GALNT10: variants seen among roughly 807,000 people sequenced by gnomAD.
GALNT10 encodes the protein GalNAc transferase 10.
A neutral mutation model predicts 75.0 loss-of-function variants in GALNT10; 41 were observed. The ratio of observed to expected loss-of-function variants is 0.55; its 90% confidence interval spans 0.43 to 0.71. The LOEUF (loss-of-function observed/expected upper bound fraction) is 0.71. Ranked by LOEUF, GALNT10 falls within the 30% of genes least tolerant of loss-of-function variation. The pLI, the probability that GALNT10 is intolerant of heterozygous loss-of-function variation, is 0.00. For missense variants in GALNT10, 727 were observed against 818.5 expected (o/e 0.89, Z 1.36); for synonymous variants, 302 against 313.0 (o/e 0.96, Z 0.37).
intron 3 of GALNT10, among the ~76,000 whole-genome samples, chr5:154,303,233 C>G (rs1464032150): frequency 6.6e-6 from 1 of 152,124 alleles, no homozygotes; most frequent in Non-Finnish European, 1.5e-5. Context: ...TATAGTTGCC[C>G]CAGCTTATTG....
At position 154,412,663 on chromosome 5, in the gene GALNT10, A is replaced by G. The variant is rs1756422453; in HGVS notation, c.1387-226A>G. 2.0e-6 allele frequency: 1 copy of G among 490,262 alleles called. No homozygotes were observed. Among genetic ancestry groups the G allele is most frequent in the Non-Finnish European group, 3.7e-6 (1 of 266,970 alleles). The allele number at this position is 490,262 out of a possible 1,614,324, so 30.4% of individuals were successfully genotyped here. A position where few individuals can be genotyped will look rare whatever the true frequency, so the allele number is the denominator to read the frequency against. On this transcript the variant is annotated intron_variant, in intron 9 of 11. Coordinates refer to ENST00000297107, the MANE Select transcript of GALNT10 (RefSeq NM_198321.4). This position sits in a 1 kb window ranked among gnomAD's most constrained non-coding sequence, Gnocchi z 4.2. The stretch of plus-strand genomic sequence containing the variant: ...ACCAACCCAGGACTCTGCATACTCT[A>G]CAATACTACTTACAGCAGTGCTTTA...
In GALNT10 at chr5:154,190,815, CTGGGG is replaced by C. The variant is rs1774844436; in HGVS notation, c.-51_-47del. On this transcript the variant is annotated 5_prime_UTR_variant, in exon 1 of 12. Coordinates refer to ENST00000297107, the MANE Select transcript of GALNT10 (RefSeq NM_198321.4). The stretch of plus-strand genomic sequence containing the variant: ...CGGGCGGACGGGCGGACGCGCGGAG[CTGGGG>C]GCGGCGCGGCGGGGCCGGCGGGGCG... 8 of 853,476 alleles carry C rather than the reference CTGGGG, an allele frequency of 9.4e-6. No homozygotes were observed. The highest frequency in any genetic ancestry group is 1.1e-5 in the Non-Finnish European group (8 of 698,630). 52.9% of individuals were successfully genotyped at this position (853,476 alleles called of 1,614,324 possible).
intron 1 of GALNT10, among the ~76,000 whole-genome samples, chr5:154,210,074 A>G (rs1775171420): frequency 6.6e-6 from 1 of 152,128 alleles, no homozygotes; most frequent in African/African-American, 2.4e-5. Context: ...GACCTGCATC[A>G]TTTTCATTTC....
chr5:154,368,858 G>A (rs1029875687), intron 4 of GALNT10, among the ~76,000 whole-genome samples: 1 of 152,166 alleles, frequency 6.6e-6, no homozygotes, highest in African/African-American at 2.4e-5. Context: ...CATCCTAGAG[G>A]ACTAGGGTTG....
At chr5:154,398,366 G>T (rs1037070245) in intron 7 of GALNT10, among the ~76,000 whole-genome samples, 1 of 152,234 alleles carries the variant, frequency 6.6e-6, no homozygotes, top group East Asian at 1.9e-4. Context: ...GAACAAGATG[G>T]GTTCCTGGTC....
intron 1 of GALNT10, among the ~76,000 whole-genome samples, chr5:154,192,614 C>T (rs905711196): frequency 2.6e-5 from 4 of 152,210 alleles, no homozygotes; most frequent in African/African-American, 7.2e-5. Context: ...CCAGTTCTAA[C>T]ATTCTGTGAT....
At position 154,281,336 on chromosome 5, in the gene GALNT10, A is replaced by G. The variant is rs1173781251; in HGVS notation, c.160-13480A>G. Among the ~76,000 whole-genome samples the G allele has an allele frequency of 3.3e-5, 5 of 152,220 alleles. No individual in the cohort carries two copies. In the East Asian group the frequency reaches 7.7e-4, roughly 23 times the overall value. ...ACACCATGGAAATCAGTATTTTAAC[A>G]TCAGTTTTCGATGTTTCATTGATAG... On this transcript the variant is annotated intron_variant, in intron 1 of 11. Transcript: ENST00000297107.
chr5:154,393,414 A>G (rs1273603297), intron 7 of GALNT10, among the ~76,000 whole-genome samples: 2 of 152,110 alleles, frequency 1.3e-5, no homozygotes, highest in African/African-American at 4.8e-5. Flanking sequence ...TGAACCCTTC[A>G]TCCCTAGTGG....
intron 2 of GALNT10, among the ~76,000 whole-genome samples, chr5:154,296,541 GCTAA>G (rs1754276846): frequency 6.6e-6 from 1 of 152,178 alleles, no homozygotes; most frequent in Non-Finnish European, 1.5e-5. Flanking sequence ...TCTGTCGAAC[GCTAA>G]CTATGTGCCA....
intron 1 of GALNT10, among the ~76,000 whole-genome samples, chr5:154,204,558 C>T (rs1775076098): frequency 6.6e-6 from 1 of 152,208 alleles, no homozygotes; most frequent in African/African-American, 2.4e-5. Context: ...ACTGTGTCTC[C>T]TCCTCTCAGT....
intron 4 of GALNT10, among the ~76,000 whole-genome samples, chr5:154,343,481 G>C (rs1755066395): frequency 6.6e-6 from 1 of 152,202 alleles, no homozygotes; most frequent in Non-Finnish European, 1.5e-5. Context: ...TTATTTTCAA[G>C]TTGGGCCGGC....
rs1473712320 is a variant in GALNT10, at chr5:154,402,655, T to C, written c.1057-1449T>C. 6.6e-6 allele frequency: 1 copy of C among 152,170 alleles called. No individual in the cohort carries two copies. The highest frequency in any genetic ancestry group is 1.5e-5 in the Non-Finnish European group (1 of 68,050). 9.4% of individuals were successfully genotyped at this position (152,170 alleles called of 1,614,324 possible). Reference sequence around the variant, plus strand: ...CTCGCATAGGAGAATAGTCAGGCCATGAGCCAGGGCCGCAGTCATCTGCAG... The same window carrying C: ...CTCGCATAGGAGAATAGTCAGGCCACGAGCCAGGGCCGCAGTCATCTGCAG... On this transcript the variant is annotated intron_variant, in intron 7 of 11. Coordinates refer to ENST00000297107, the MANE Select transcript of GALNT10 (RefSeq NM_198321.4). The surrounding 1 kb of genome is among the most constrained non-coding windows in gnomAD (Gnocchi z 4.2).
chr5:154,223,037 G>A lies in GALNT10; in HGVS notation c.159+32012G>A, dbSNP rs554024690. 2.6e-5 allele frequency among the ~76,000 whole-genome samples: 4 copies of A among 152,234 alleles called. No individual in the cohort carries two copies. In the South Asian group the frequency reaches 8.3e-4, roughly 32 times the overall value. On this transcript the variant is annotated intron_variant, in intron 1 of 11. Transcript: ENST00000297107. Reference sequence around the variant, plus strand: ...TGGAACCTGAATGTGGTACCAACATGAATATTTATCATATTAACTCTGAGT... The same window carrying A: ...TGGAACCTGAATGTGGTACCAACATAAATATTTATCATATTAACTCTGAGT...
chr5:154,194,356 G>A (rs566394473), intron 1 of GALNT10, among the ~76,000 whole-genome samples: 142 of 152,304 alleles, frequency 9.3e-4, no homozygotes, highest in African/African-American at 3.3e-3. Flanking sequence ...AGAAAGTTAA[G>A]TATAGAAATG....
At chr5:154,321,486 T>C (rs949328133) in intron 3 of GALNT10, among the ~76,000 whole-genome samples, 3 of 151,882 alleles carry the variant, frequency 2.0e-5, no homozygotes, top group Admixed American at 6.6e-5. Context: ...TGTTTTTTTG[T>C]TAGTTTGTTT....
chr5:154,285,378 A>G (rs1372165532), intron 1 of GALNT10, among the ~76,000 whole-genome samples: 1 of 152,148 alleles, frequency 6.6e-6, no homozygotes, highest in African/African-American at 2.4e-5. Flanking sequence ...TGATCTCCTG[A>G]CTTGCTTTCT....
At chr5:154,205,332 C>T (rs889902473) in intron 1 of GALNT10, among the ~76,000 whole-genome samples, 2 of 152,236 alleles carry the variant, frequency 1.3e-5, no homozygotes, top group Admixed American at 6.5e-5. Context: ...TCCCTCCAGA[C>T]AGTCTTTAGA....
intron 6 of GALNT10, among the ~76,000 whole-genome samples, chr5:154,381,014 A>T (rs1582001382): frequency 1.3e-5 from 2 of 152,260 alleles, no homozygotes; most frequent in East Asian, 3.9e-4. Context: ...CTACAACTAT[A>T]TATGGTAAAA....
At chr5:154,214,879 A>G (rs918801712) in intron 1 of GALNT10, among the ~76,000 whole-genome samples, 1 of 152,206 alleles carries the variant, frequency 6.6e-6, no homozygotes. Flanking sequence ...CCTCAGAGCA[A>G]TTACTTAAAC....
Sources: gnomAD v4.1 joint callset for allele counts (sites outside exome capture counted in the v4.1 genomes callset) on GRCh38, gnomAD v4.1.1 for gene constraint, Gnocchi (gnomAD v3.1) non-coding constraint, MANE v1.5 for transcripts, NCBI Gene and HGNC (gene_info 2026-07-23, HGNC 2026-07-21) for gene names.